Variants in SLC25A21 observed in about 807,000 individuals in gnomAD.
SLC25A21 encodes the protein mitochondrial 2-oxodicarboxylate carrier.
In SLC25A21, 47 loss-of-function variants were observed where a neutral mutation model predicts 43.8. That is an observed-to-expected ratio of 1.07 (90% CI 0.85 to 1.37). The LOEUF is 1.37. SLC25A21 is among the 40% of genes most tolerant of loss of function. The pLI is 0.00. For missense variants in SLC25A21, 352 were observed against 350.2 expected, an observed-to-expected ratio of 1.00 and a Z score of -0.04; for synonymous variants, 131 against 121.3, an observed-to-expected ratio of 1.08 and a Z score of -0.52.
intron 2 of SLC25A21, among the ~76,000 whole-genome samples, chr14:36,815,636 T>C (rs888320889): frequency 3.3e-5 from 5 of 152,196 alleles, no homozygotes; most frequent in African/African-American, 1.2e-4. Flanking sequence ...TGATCATGCA[T>C]CCCTGAACTC....
rs145569707 is a variant in SLC25A21 at position 36,942,368 on chromosome 14, T to C, written c.71-67364A>G. On this transcript the variant is annotated intron_variant, in intron 1 of 9. Coordinates refer to ENST00000331299, the MANE Select transcript of SLC25A21 (RefSeq NM_030631.4). ...AAGCTGGAAGCTTCGCTGAACTATC[T>C]TGGGACAAGAACTAAGCAGGGAGCA... Among the ~76,000 whole-genome samples the C allele has an allele frequency of 3.1e-3, 476 of 152,304 alleles. 3 individuals are homozygous for C. The highest frequency in any genetic ancestry group is 0.011 in the African/African-American group (454 of 41,560).
At chr14:36,736,387 C>A (rs1470054906) in intron 3 of SLC25A21, among the ~76,000 whole-genome samples, 1 of 152,184 alleles carries the variant, frequency 6.6e-6, no homozygotes, top group African/African-American at 2.4e-5. Flanking sequence ...CTCACATCAA[C>A]ACGAATTACT....
chr14:37,037,582 T>C (rs1961354995), intron 1 of SLC25A21, among the ~76,000 whole-genome samples: 1 of 112,418 alleles, frequency 8.9e-6, no homozygotes, highest in Non-Finnish European at 1.7e-5. Context: ...TTTTATCCTA[T>C]TTAAAAAATT....
chr14:37,075,542 G>A (rs1347205220), intron 1 of SLC25A21, among the ~76,000 whole-genome samples: 2 of 152,114 alleles, frequency 1.3e-5, no homozygotes, highest in East Asian at 3.9e-4. Flanking sequence ...TAGAGTGACG[G>A]GGGAAGGAGG....
At chr14:37,098,734 TAGATAGATAGATAGACAGAC>T (rs1483134095) in intron 1 of SLC25A21, among the ~76,000 whole-genome samples, 810 of 9,188 alleles carry the variant, frequency 0.088, 6 homozygotes, top group South Asian at 0.32. Context: ...GATAGATAGA[TAGATAGATAGATAGACAGAC>T]AGACAGACAG....
intron 3 of SLC25A21, among the ~76,000 whole-genome samples, chr14:36,770,627 T>C (rs1425492559): frequency 1.3e-5 from 2 of 152,182 alleles, no homozygotes; most frequent in Non-Finnish European, 2.9e-5. Context: ...TGATTACTTG[T>C]GATTTCTGGT....
intron 9 of SLC25A21, among the ~76,000 whole-genome samples, chr14:36,683,334 G>C (rs1298539368): frequency 6.6e-6 from 1 of 152,238 alleles, no homozygotes; most frequent in Non-Finnish European, 1.5e-5. Flanking sequence ...TAAGCAGCTA[G>C]TTACGGTGTC....
chr14:37,060,080 C>T (rs1048048849), intron 1 of SLC25A21, among the ~76,000 whole-genome samples: 22 of 151,768 alleles, frequency 1.4e-4, no homozygotes, highest in South Asian at 1.0e-3. Context: ...ATCCTAGCCC[C>T]TTTAAAAAAA....
At chr14:36,912,779 A>T (rs561089085) in intron 1 of SLC25A21, among the ~76,000 whole-genome samples, 2 of 152,290 alleles carry the variant, frequency 1.3e-5, no homozygotes, top group East Asian at 3.9e-4. Context: ...CCTAACTTGG[A>T]CTAACCCAGT....
In SLC25A21 at chr14:36,742,378, C is replaced by T. The variant is rs1885307988; in HGVS notation, c.204-7805G>A. Among the ~76,000 whole-genome samples the T allele has an allele frequency of 2.6e-5, 4 of 152,152 alleles. No homozygotes were observed. The South Asian group carries it at 6.2e-4, about 24-fold the overall frequency. On this transcript the variant is annotated intron_variant, in intron 3 of 9. Coordinates refer to ENST00000331299, the MANE Select transcript of SLC25A21 (RefSeq NM_030631.4). ...TTCCATTGTTTGATGGATCGTGTAT[C>T]CCAGACCAGAATTCTGGTCCTGACA...
intron 1 of SLC25A21, among the ~76,000 whole-genome samples, chr14:37,109,437 A>G (rs1247324643): frequency 6.6e-6 from 1 of 152,160 alleles, no homozygotes; most frequent in African/African-American, 2.4e-5. Flanking sequence ...GGTATATAAA[A>G]ACATAAAAAT....
intron 1 of SLC25A21, among the ~76,000 whole-genome samples, chr14:36,897,747 C>G (rs1891284873): frequency 1.3e-5 from 2 of 152,170 alleles, no homozygotes; most frequent in African/African-American, 4.8e-5. Context: ...AATTTTCCTT[C>G]TAACAGTCAG....
At chr14:37,018,233 T>A (rs184768700) in intron 1 of SLC25A21, among the ~76,000 whole-genome samples, 2,581 of 152,074 alleles carry the variant, frequency 0.017, 39 homozygotes, top group South Asian at 0.075. Flanking sequence ...ACATAAAAAT[T>A]TCTATTTACA....
chr14:36,704,589 G>A (rs1389280897), intron 7 of SLC25A21, among the ~76,000 whole-genome samples: 17 of 151,014 alleles, frequency 1.1e-4, no homozygotes, highest in Admixed American at 2.0e-4. Context: ...CCCGGGAGGC[G>A]GAGGTTGCAG....
intron 1 of SLC25A21, among the ~76,000 whole-genome samples, chr14:37,047,491 C>CA (rs1258360608): frequency 3.3e-5 from 5 of 152,138 alleles, no homozygotes; most frequent in Non-Finnish European, 7.4e-5. Context: ...TGCTAAGAGG[C>CA]AAAAGCAGGA....
intron 1 of SLC25A21, among the ~76,000 whole-genome samples, chr14:36,934,469 TA>T (rs5807923): frequency 0.64 from 90,404 of 140,454 alleles, 28,533 homozygotes; most frequent in Admixed American, 0.7. Flanking sequence ...ATCTTGGGAG[TA>T]AAAAAAAAAA....
chr14:36,896,425 T>C (rs905302294), intron 1 of SLC25A21, among the ~76,000 whole-genome samples: 5 of 152,196 alleles, frequency 3.3e-5, no homozygotes, highest in Admixed American at 2.6e-4. Flanking sequence ...ATTTTGAGCT[T>C]ATATGTGTCT....
At chr14:36,831,769 T>C (rs1182199197) in intron 2 of SLC25A21, among the ~76,000 whole-genome samples, 1 of 152,188 alleles carries the variant, frequency 6.6e-6, no homozygotes, top group Non-Finnish European at 1.5e-5. Flanking sequence ...TTTTATAAGA[T>C]GCATCGAACC....
chr14:36,897,185 G>A (rs1330949377), intron 1 of SLC25A21, among the ~76,000 whole-genome samples: 4 of 152,164 alleles, frequency 2.6e-5, no homozygotes, highest in Non-Finnish European at 5.9e-5. Flanking sequence ...CCAATCACAC[G>A]TAGATTTGGT....
Sources: allele counts gnomAD v4.1 joint callset (sites outside exome capture counted in the v4.1 genomes callset), GRCh38; gene constraint gnomAD v4.1.1; transcripts MANE v1.5; gene names NCBI Gene and HGNC (gene_info 2026-07-23, HGNC 2026-07-21).